HFM1: variants seen among roughly 807,000 people sequenced by gnomAD.
HFM1 encodes helicase for meiosis 1, also known as probable ATP-dependent DNA helicase HFM1.
A neutral mutation model predicts 192.1 loss-of-function variants in HFM1; 169 were observed. The ratio of observed to expected loss-of-function variants is 0.88; its 90% CI spans 0.78 to 1.00. HFM1 has a LOEUF of 1.00. HFM1 is among the 50% of genes least tolerant of loss of function. The pLI, the probability that HFM1 is intolerant of heterozygous loss-of-function variation, is 0.00. For synonymous variants in HFM1, 525 were observed against 537.8 expected (o/e 0.98, Z 0.33); for missense variants, 1,661 against 1,668.0 (o/e 1.00, Z 0.07).
chr1:91,262,078 T>C (rs1665213763), intron 38 of HFM1, 163 bp downstream of exon 38: 1 of 411,598 alleles, frequency 2.4e-6, no homozygotes, highest in Non-Finnish European at 4.4e-6. Flanking sequence ...GTTTGAAACA[T>C]CTTAAAGAGC....
chr1:91,268,461 G>C (rs1417151049), intron 34 of HFM1, among the ~76,000 whole-genome samples: 1 of 151,914 alleles, frequency 6.6e-6, no homozygotes, highest in Non-Finnish European at 1.5e-5. Context: ...TTTATTAGTT[G>C]TATGGTCTTA....
chr1:91,288,672 G>C (rs887246185), intron 30 of HFM1, among the ~76,000 whole-genome samples: 1 of 152,124 alleles, frequency 6.6e-6, no homozygotes, highest in Non-Finnish European at 1.5e-5. Flanking sequence ...CACAGCACAC[G>C]TTTGAGAGCA....
chr1:91,342,818 T>C (rs1000764400), intron 20 of HFM1, among the ~76,000 whole-genome samples: 29 of 152,162 alleles, frequency 1.9e-4, no homozygotes, highest in Non-Finnish European at 4.1e-4. Context: ...AAAAAGCATA[T>C]TAAAAGCATA....
intron 30 of HFM1, among the ~76,000 whole-genome samples, chr1:91,295,878 C>T (rs1647473537): frequency 6.6e-6 from 1 of 152,096 alleles, no homozygotes; most frequent in Admixed American, 6.6e-5. Flanking sequence ...AATCAGTCAT[C>T]TATTTGCAAA....
At chr1:91,379,627 A>G (rs763219058) in intron 8 of HFM1, among the ~76,000 whole-genome samples, 38 of 151,686 alleles carry the variant, frequency 2.5e-4, no homozygotes, top group Non-Finnish European at 4.0e-4. Flanking sequence ...TAATAGCCAA[A>G]AAGAACTAAA....
chr1:91,376,361 A>G (rs1660904005), intron 11 of HFM1, among the ~76,000 whole-genome samples: 1 of 151,992 alleles, frequency 6.6e-6, no homozygotes, highest in South Asian at 2.1e-4. Flanking sequence ...AATAATCTCA[A>G]GGTTATCATG....
intron 31 of HFM1, 53 bp downstream of exon 31, chr1:91,276,929 C>G (rs530814818): frequency 9.0e-7 from 1 of 1,105,872 alleles, no homozygotes; most frequent in South Asian, 1.5e-5. Context: ...TACTATCCAC[C>G]AAAGACCTTT....
intron 13 of HFM1, among the ~76,000 whole-genome samples, chr1:91,367,968 T>C (rs1259767370): frequency 1.3e-5 from 2 of 152,188 alleles, no homozygotes; most frequent in Non-Finnish European, 2.9e-5. Context: ...CAAGCCTCAG[T>C]AGCCGATGTG....
intron 34 of HFM1, among the ~76,000 whole-genome samples, chr1:91,270,423 G>A (rs1392597560): frequency 6.6e-6 from 1 of 152,062 alleles, no homozygotes; most frequent in Non-Finnish European, 1.5e-5. Context: ...AGGTGGATAT[G>A]TCCAGGAAGG....
At chr1:91,313,574 T>C in intron 29 of HFM1, 79 bp from the exon 30 acceptor site, 1 of 972,938 alleles carries the variant, frequency 1.0e-6, no homozygotes, top group Non-Finnish European at 1.4e-6. Context: ...TCTTTTTATC[T>C]CTCTTACATT....
At chr1:91,375,269 C>A (rs1312989497) in intron 13 of HFM1, 89 bp downstream of exon 13, 14 of 852,650 alleles carry the variant, frequency 1.6e-5, no homozygotes, top group Non-Finnish European at 2.6e-5. Context: ...AGGTTTACCC[C>A]AAGGTTATGG....
At chr1:91,305,559 A>C (rs936184836) in intron 30 of HFM1, among the ~76,000 whole-genome samples, 10 of 151,792 alleles carry the variant, frequency 6.6e-5, no homozygotes, top group Non-Finnish European at 1.2e-4. Context: ...ATGACAATTT[A>C]TTTATTTCTT....
At chr1:91,406,493 A>C (rs1165956718), upstream of HFM1, among the ~76,000 whole-genome samples, 1 of 152,210 alleles carries the variant, frequency 6.6e-6, no homozygotes, top group Non-Finnish European at 1.5e-5. Context: ...ATGTAATAAA[A>C]ATGTCAAAGC....
At chr1:91,267,069 C>T (rs970689702) in intron 35 of HFM1, among the ~76,000 whole-genome samples, 1 of 152,142 alleles carries the variant, frequency 6.6e-6, no homozygotes, top group African/African-American at 2.4e-5. Context: ...TGATTTATTT[C>T]TGTCAGCCCT....
chr1:91,287,552 A>T (rs1288091248), intron 30 of HFM1, among the ~76,000 whole-genome samples: 2 of 152,204 alleles, frequency 1.3e-5, no homozygotes, highest in Non-Finnish European at 2.9e-5. Context: ...AGATAAAACC[A>T]CAAAGATAGG....
At chr1:91,393,467 TA>T (rs1366526044) in intron 4 of HFM1, among the ~76,000 whole-genome samples, 1 of 152,184 alleles carries the variant, frequency 6.6e-6, no homozygotes, top group African/African-American at 2.4e-5. Context: ...TATAGTTCTT[TA>T]AATCAAAAAA....
chr1:91,318,854 T>G (rs566255158), intron 25 of HFM1, among the ~76,000 whole-genome samples: 1 of 152,206 alleles, frequency 6.6e-6, no homozygotes, highest in Non-Finnish European at 1.5e-5. Flanking sequence ...CATTAATTTT[T>G]ATTAGGTTTC....
intron 13 of HFM1, among the ~76,000 whole-genome samples, chr1:91,368,318 A>T (rs1459362597): frequency 6.6e-6 from 1 of 152,222 alleles, no homozygotes; most frequent in Non-Finnish European, 1.5e-5. Flanking sequence ...AGTTGAAATG[A>T]AGGAAAAAAT....
intron 30 of HFM1, among the ~76,000 whole-genome samples, chr1:91,300,499 C>A (rs1648559837): frequency 6.6e-6 from 1 of 151,992 alleles, no homozygotes; most frequent in East Asian, 1.9e-4. Context: ...AATTTTAGAC[C>A]AATATCCCTG....
Sources: allele counts gnomAD v4.1 joint callset (sites outside exome capture counted in the v4.1 genomes callset), GRCh38; gene constraint gnomAD v4.1.1; transcripts MANE v1.5; gene names NCBI Gene and HGNC (gene_info 2026-07-23, HGNC 2026-07-21).